The following ANXA8 variants were observed in gnomAD, a reference collection of about 807,000 sequenced individuals.
ANXA8 encodes annexin A8.
A neutral mutation model predicts 26.8 loss-of-function variants in ANXA8; 9 were observed. The ratio of observed to expected loss-of-function variants is 0.34; its 90% confidence interval spans 0.20 to 0.59. The LOEUF (loss-of-function observed/expected upper bound fraction) is 0.59, where lower values mean the gene tolerates loss of function less well. Ranked by LOEUF, ANXA8 falls within the 20% of genes least tolerant of loss-of-function variation. ANXA8 has a pLI of 0.84. For synonymous variants in ANXA8, 39 were observed against 94.8 expected, an observed-to-expected ratio of 0.41 and a Z score of 3.42; for missense variants, 83 against 238.5, an observed-to-expected ratio of 0.35 and a Z score of 4.29.
chr10:47,633,862 T>C, the ANXA8 span, among the ~76,000 whole-genome samples: 1 of 148,000 alleles, frequency 6.8e-6, no homozygotes, highest in Non-Finnish European at 1.5e-5. Flanking sequence ...ACCCAGTTAA[T>C]GTAGCTTAAT....
At chr10:47,631,560 G>A in the ANXA8 span, among the ~76,000 whole-genome samples, 1 of 150,884 alleles carries the variant, frequency 6.6e-6, no homozygotes, top group Non-Finnish European at 1.5e-5. Flanking sequence ...AATTTATGCT[G>A]AATCACTGGG....
At chr10:47,504,846 CTTTTTT>C in the ANXA8 span, among the ~76,000 whole-genome samples, 2 of 46,840 alleles carry the variant, frequency 4.3e-5, no homozygotes, top group East Asian at 1.1e-3. Context: ...CATAACTGTT[CTTTTTT>C]TTTTTTTTTT....
the ANXA8 span, among the ~76,000 whole-genome samples, chr10:47,747,390 TTAA>T: frequency 2.1e-5 from 3 of 143,066 alleles, no homozygotes; most frequent in Non-Finnish European, 4.6e-5. Flanking sequence ...CAGTGTCATA[TTAA>T]TGAGATAAAA....
At chr10:47,901,036 G>C in the ANXA8 span, among the ~76,000 whole-genome samples, 15 of 136,666 alleles carry the variant, frequency 1.1e-4, 1 homozygote, top group Admixed American at 1.1e-3. Flanking sequence ...TTCAGCATCA[G>C]ACCATAATAG....
chr10:47,733,908 T>C, the ANXA8 span, among the ~76,000 whole-genome samples: 1 of 152,402 alleles, frequency 6.6e-6, no homozygotes, highest in Admixed American at 6.5e-5. Context: ...GAAATCGTGA[T>C]TTTTTTCAAA....
the ANXA8 span, among the ~76,000 whole-genome samples, chr10:47,652,583 C>T: frequency 5.9e-4 from 88 of 149,472 alleles, no homozygotes; most frequent in African/African-American, 2.0e-3. Context: ...GTCAACAGAA[C>T]GAGACTGTCT....
At chr10:47,684,271 C>A in the ANXA8 span, among the ~76,000 whole-genome samples, 1 of 152,206 alleles carries the variant, frequency 6.6e-6, no homozygotes, top group African/African-American at 2.4e-5. Flanking sequence ...ATTTTGTTTC[C>A]CCCTGCCCTT....
At chr10:47,510,257 A>C in the ANXA8 span, 1 of 1,364,932 alleles carries the variant, frequency 7.3e-7, no homozygotes, top group African/African-American at 1.6e-5. Flanking sequence ...GTTGACTGAA[A>C]CGCTCAGTAG....
chr10:47,664,078 T>C, the ANXA8 span, among the ~76,000 whole-genome samples: 1 of 150,792 alleles, frequency 6.6e-6, no homozygotes, highest in African/African-American at 2.5e-5. Flanking sequence ...AATTTTAACT[T>C]ATAATTCTCA....
the ANXA8 span, among the ~76,000 whole-genome samples, chr10:47,548,307 T>TC: frequency 1.4e-5 from 2 of 147,404 alleles, no homozygotes; most frequent in Non-Finnish European, 3.0e-5. Flanking sequence ...TTGCTAATTT[T>TC]TTTTTTTTTT....
chr10:47,633,762 A>G, the ANXA8 span, among the ~76,000 whole-genome samples: 1 of 149,292 alleles, frequency 6.7e-6, no homozygotes, highest in Non-Finnish European at 1.5e-5. Context: ...AACTTCCAGG[A>G]CTGTAAAGGA....
At chr10:47,953,115 T>C in the ANXA8 span, among the ~76,000 whole-genome samples, 29 of 150,428 alleles carry the variant, frequency 1.9e-4, no homozygotes, top group African/African-American at 6.2e-4. Flanking sequence ...ATGGGCCTTA[T>C]TGAAATTAAA....
chr10:47,733,049 G>A, the ANXA8 span, among the ~76,000 whole-genome samples: 6 of 150,790 alleles, frequency 4.0e-5, no homozygotes, highest in South Asian at 1.3e-3. Context: ...AGCAAAAAAG[G>A]GGGACTTGAT....
chr10:47,718,097 T>C, the ANXA8 span, among the ~76,000 whole-genome samples: 1 of 152,166 alleles, frequency 6.6e-6, no homozygotes, highest in Non-Finnish European at 1.5e-5. Context: ...AGGAGACTAC[T>C]TGGGTGATGA....
chr10:47,582,494 G>C, the ANXA8 span, among the ~76,000 whole-genome samples: 1 of 140,434 alleles, frequency 7.1e-6, no homozygotes, highest in African/African-American at 3.1e-5. Flanking sequence ...TGTGGCTGGA[G>C]AAAAACAGGG....
At chr10:47,659,381 C>A in the ANXA8 span, among the ~76,000 whole-genome samples, 1 of 151,698 alleles carries the variant, frequency 6.6e-6, no homozygotes, top group Non-Finnish European at 1.5e-5. Context: ...TTGCAGCCCA[C>A]ACTTAAGAGT....
At chr10:47,495,547 A>G in the ANXA8 span, among the ~76,000 whole-genome samples, 1 of 149,772 alleles carries the variant, frequency 6.7e-6, no homozygotes, top group East Asian at 2.0e-4. Context: ...CGGCCTCCCA[A>G]AGGGCTGGGA....
At chr10:47,670,484 A>G in the ANXA8 span, among the ~76,000 whole-genome samples, 1 of 152,154 alleles carries the variant, frequency 6.6e-6, no homozygotes, top group Non-Finnish European at 1.5e-5. Context: ...CCTATTAGCA[A>G]TACACAAGTG....
chr10:47,749,945 T>A, the ANXA8 span, among the ~76,000 whole-genome samples: 1 of 151,772 alleles, frequency 6.6e-6, no homozygotes, highest in African/African-American at 2.4e-5. Flanking sequence ...AATACCATTG[T>A]GAGTGGTAGA....
Sources: allele counts gnomAD v4.1 joint callset (sites outside exome capture counted in the v4.1 genomes callset), GRCh38; gene constraint gnomAD v4.1.1; transcripts MANE v1.5; gene names NCBI Gene and HGNC (gene_info 2026-07-23, HGNC 2026-07-21).